The following PACRG variants were observed in gnomAD, a reference collection of about 807,000 sequenced individuals.
PACRG encodes the protein parkin coregulated gene protein.
PACRG carries 29 observed loss-of-function variants against 29.7 expected under a neutral mutation model. The observed-to-expected ratio is 0.98, with a 90% CI of 0.73 to 1.33. The LOEUF (loss-of-function observed/expected upper bound fraction) is 1.33, where lower values mean the gene tolerates loss of function less well. PACRG is among the 40% of genes most tolerant of loss of function. The pLI is 0.00. For missense variants in PACRG, 279 were observed against 316.2 expected (o/e 0.88, Z 0.89); for synonymous variants, 116 against 118.7 (o/e 0.98, Z 0.15).
Position 163,016,434 on chromosome 6 carries a change from A to AT in PACRG, c.292-45702dup, listed in dbSNP as rs374687175. 2.6e-3 allele frequency among the ~76,000 whole-genome samples: 380 copies of AT among 145,266 alleles called. 3 individuals are homozygous for AT. The highest frequency in any genetic ancestry group is 0.018 in the East Asian group (89 of 4,982). On this transcript the variant is annotated intron_variant, in intron 2 of 4. Coordinates refer to ENST00000366888, the MANE Select transcript of PACRG (RefSeq NM_001080379.2). ...GGAAAGGAACAATTCCAGAGTCAAGATTTTTTTTTTTTTTATTCCTCAAAT... is the reference window on the plus strand; with the variant it reads ...GGAAAGGAACAATTCCAGAGTCAAGATTTTTTTTTTTTTTTATTCCTCAAAT...
intron 4 of PACRG, chr6:163,100,654 G>T (rs1419795996): frequency 1.9e-6 from 1 of 526,204 alleles, no homozygotes. Flanking sequence ...CCACACCTGT[G>T]GTTTGCTTTC....
At chr6:162,947,611 C>CATATATATATAATCAT (rs1799278519) in intron 2 of PACRG, among the ~76,000 whole-genome samples, 1 of 27,984 alleles carries the variant, frequency 3.6e-5, no homozygotes, top group African/African-American at 1.1e-4. Flanking sequence ...TATATATAAT[C>CATATATATATAATCAT]ATATATATAT....
chr6:162,857,094 C>T (rs573135467), intron 2 of PACRG, among the ~76,000 whole-genome samples: 4 of 152,194 alleles, frequency 2.6e-5, no homozygotes, highest in African/African-American at 4.8e-5. Flanking sequence ...TCATTTGCAG[C>T]GGGGTGGGTA....
At chr6:163,044,074 G>A (rs1809048283) in intron 2 of PACRG, among the ~76,000 whole-genome samples, 1 of 152,064 alleles carries the variant, frequency 6.6e-6, no homozygotes, top group Admixed American at 6.5e-5. Flanking sequence ...AGGGAGCTCA[G>A]AGAATCACGC....
At chr6:163,293,695 C>T (rs954055127) in intron 4 of PACRG, among the ~76,000 whole-genome samples, 2 of 152,068 alleles carry the variant, frequency 1.3e-5, no homozygotes, top group East Asian at 1.9e-4. Flanking sequence ...TGAAGGTCCA[C>T]GTTACCATTA....
chr6:163,304,693 C>A (rs1298797179), intron 4 of PACRG, among the ~76,000 whole-genome samples: 1 of 152,150 alleles, frequency 6.6e-6, no homozygotes, highest in African/African-American at 2.4e-5. Context: ...AAGAGGAGAG[C>A]ATATTCCCAT....
At chr6:163,030,570 G>T (rs1807566395) in intron 2 of PACRG, among the ~76,000 whole-genome samples, 1 of 152,196 alleles carries the variant, frequency 6.6e-6, no homozygotes, top group South Asian at 2.1e-4. Flanking sequence ...ACACAAGAAA[G>T]AATTCAGGGT....
At chr6:163,090,856 G>T (rs1477715760) in intron 4 of PACRG, among the ~76,000 whole-genome samples, 3 of 152,198 alleles carry the variant, frequency 2.0e-5, no homozygotes, top group Non-Finnish European at 4.4e-5. Flanking sequence ...AAATGTCTTA[G>T]TTAACATTTT....
chr6:162,796,264 T>C (rs1368419590), intron 1 of PACRG, among the ~76,000 whole-genome samples: 1 of 152,200 alleles, frequency 6.6e-6, no homozygotes, highest in Non-Finnish European at 1.5e-5. Context: ...TCAATCTCTC[T>C]GGGTCACTTT....
At chr6:163,005,882 A>C (rs1805031212) in intron 2 of PACRG, among the ~76,000 whole-genome samples, 1 of 148,096 alleles carries the variant, frequency 6.8e-6, no homozygotes, top group Non-Finnish European at 1.5e-5. Context: ...TACGTGTTAT[A>C]TATATACAAC....
rs9458671 is a variant in PACRG at position 162,932,922 on chromosome 6, C to G, written c.291+118641C>G. On this transcript the variant is annotated intron_variant, in intron 2 of 4. Transcript: ENST00000366888. ...AAATTTTGGGTTTAGCTTTTTTTTTCTTGCTTTTCTAATTCTCTGAGATAC... is the reference window on the plus strand; with the variant it reads ...AAATTTTGGGTTTAGCTTTTTTTTTGTTGCTTTTCTAATTCTCTGAGATAC... 3.9e-3 allele frequency among the ~76,000 whole-genome samples: 588 copies of G among 149,790 alleles called. 3 individuals are homozygous for G. The highest frequency in any genetic ancestry group is 5.6e-3 in the Admixed American group (84 of 15,062).
chr6:163,199,705 G>A (rs1179447917), intron 4 of PACRG, among the ~76,000 whole-genome samples: 1 of 152,192 alleles, frequency 6.6e-6, no homozygotes, highest in East Asian at 1.9e-4. Context: ...CCACTGAGAA[G>A]GATGCCTGGG....
At chr6:162,731,345 G>A (rs1779753160) in intron 1 of PACRG, among the ~76,000 whole-genome samples, 2 of 151,972 alleles carry the variant, frequency 1.3e-5, no homozygotes, top group African/African-American at 4.8e-5. Flanking sequence ...ACTAACCTTG[G>A]ATTGAAATGT....
intron 4 of PACRG, among the ~76,000 whole-genome samples, chr6:163,308,145 T>C (rs1236649149): frequency 2.0e-5 from 3 of 152,214 alleles, no homozygotes; most frequent in Non-Finnish European, 2.9e-5. Flanking sequence ...TCTTAATTCA[T>C]ATTAAAAAAA....
chr6:163,198,169 A>G (rs13198519), intron 4 of PACRG, among the ~76,000 whole-genome samples: 55,915 of 151,980 alleles, frequency 0.37, 10,450 homozygotes, highest in East Asian at 0.49. Context: ...GCATTAACCA[A>G]ACGACTGGAA....
Position 163,171,568 on chromosome 6 carries a change from A to G in PACRG, c.613+82160A>G, listed in dbSNP as rs181803611. Among the ~76,000 whole-genome samples, 50 of 152,304 alleles carry G rather than the reference A, an allele frequency of 3.3e-4. No individual in the cohort carries two copies. The East Asian group carries it at 9.1e-3, about 28-fold the overall frequency. On this transcript the variant is annotated intron_variant, in intron 4 of 4. Coordinates refer to ENST00000366888, the MANE Select transcript of PACRG (RefSeq NM_001080379.2). ...CCTATCTACTCCCAATGATGTACCA[A>G]TCCTAGCACGATTATAGCTCTTCTC... is the stretch of plus-strand genomic sequence containing the variant.
chr6:162,989,376 A>T (rs1344662606), intron 2 of PACRG, among the ~76,000 whole-genome samples: 4 of 152,216 alleles, frequency 2.6e-5, no homozygotes, highest in Non-Finnish European at 5.9e-5. Flanking sequence ...AAGTACGGTC[A>T]TGCCTCAGTA....
intron 2 of PACRG, among the ~76,000 whole-genome samples, chr6:162,903,699 A>C (rs1407888021): frequency 6.6e-6 from 1 of 152,140 alleles, no homozygotes; most frequent in Admixed American, 6.5e-5. Flanking sequence ...ATTCGGGTGG[A>C]GACACAGCCA....
At chr6:162,727,661 C>G (rs397518439), upstream of PACRG, 1 of 1,584,984 alleles carries the variant, frequency 6.3e-7, no homozygotes, top group Non-Finnish European at 8.6e-7. Context: ...TACCCACGTA[C>G]CTATCATGGT....
Sources: allele counts gnomAD v4.1 joint callset (sites outside exome capture counted in the v4.1 genomes callset), GRCh38; gene constraint gnomAD v4.1.1; transcripts MANE v1.5; gene names NCBI Gene and HGNC (gene_info 2026-07-23, HGNC 2026-07-21).